Variants in PACRG observed in about 807,000 individuals in gnomAD.
PACRG encodes the protein parkin coregulated gene protein.
PACRG carries 29 observed loss-of-function variants against 29.7 expected under a neutral mutation model. The ratio of observed to expected loss-of-function variants is 0.98; its 90% CI spans 0.73 to 1.33. The LOEUF (loss-of-function observed/expected upper bound fraction) is 1.33. PACRG is among the 40% of genes most tolerant of loss of function. PACRG has a pLI of 0.00. For synonymous variants in PACRG, 116 were observed against 118.7 expected (o/e 0.98, Z 0.15); for missense variants, 279 against 316.2 (o/e 0.88, Z 0.89).
intron 1 of PACRG, among the ~76,000 whole-genome samples, chr6:162,744,336 G>A (rs1255420233): frequency 1.3e-5 from 2 of 152,120 alleles, no homozygotes; most frequent in Non-Finnish European, 2.9e-5. Context: ...GGTGGCTCAC[G>A]CCTATAATCC....
chr6:163,089,888 G>C (rs542136982), intron 4 of PACRG, among the ~76,000 whole-genome samples: 4 of 152,068 alleles, frequency 2.6e-5, no homozygotes, highest in African/African-American at 9.6e-5. Flanking sequence ...TATAAGCTTT[G>C]GAAAACACAG....
chr6:162,870,623 T>C (rs1008976619), intron 2 of PACRG, among the ~76,000 whole-genome samples: 2 of 152,198 alleles, frequency 1.3e-5, no homozygotes, highest in Non-Finnish European at 2.9e-5. Context: ...GGCATTCTTA[T>C]GCCTTTGCGT....
intron 2 of PACRG, among the ~76,000 whole-genome samples, chr6:162,843,371 T>G (rs1187602431): frequency 6.6e-6 from 1 of 151,002 alleles, no homozygotes; most frequent in African/African-American, 2.4e-5. Flanking sequence ...CTGATACCCT[T>G]TCTTCTAGTT....
At chr6:163,212,939 C>A (rs1341937439) in intron 4 of PACRG, among the ~76,000 whole-genome samples, 1 of 152,130 alleles carries the variant, frequency 6.6e-6, no homozygotes, top group East Asian at 1.9e-4. Flanking sequence ...CCACCACGCC[C>A]AGCTAATTTT....
intron 4 of PACRG, among the ~76,000 whole-genome samples, chr6:163,175,212 CTAAGAT>C (rs1263822808): frequency 1.3e-5 from 2 of 152,128 alleles, no homozygotes; most frequent in Non-Finnish European, 2.9e-5. Context: ...ATCTGCCCTC[CTAAGAT>C]AATTAGGTTT....
intron 2 of PACRG, chr6:162,997,569 C>A (rs1253972308): frequency 2.9e-6 from 1 of 349,194 alleles, no homozygotes; most frequent in Non-Finnish European, 5.6e-6. Flanking sequence ...TCATAACAGA[C>A]TTCATAAAAG....
At chr6:163,113,121 G>A (rs892902393) in intron 4 of PACRG, among the ~76,000 whole-genome samples, 1 of 152,090 alleles carries the variant, frequency 6.6e-6, no homozygotes, top group African/African-American at 2.4e-5. Flanking sequence ...AAATTTATCA[G>A]GATACAAAAG....
chr6:162,800,729 G>A (rs1317469514), intron 1 of PACRG, among the ~76,000 whole-genome samples: 1 of 152,184 alleles, frequency 6.6e-6, no homozygotes, highest in Non-Finnish European at 1.5e-5. Flanking sequence ...GTTCCTCTTA[G>A]CTCCAAAAGT....
intron 1 of PACRG, among the ~76,000 whole-genome samples, chr6:162,749,888 T>C (rs1781390062): frequency 6.6e-6 from 1 of 152,228 alleles, no homozygotes; most frequent in South Asian, 2.1e-4. Flanking sequence ...TTTCATATTA[T>C]GGGAACATTC....
chr6:163,283,720 G>C (rs1314247658), intron 4 of PACRG, among the ~76,000 whole-genome samples: 1 of 150,022 alleles, frequency 6.7e-6, no homozygotes, highest in Non-Finnish European at 1.5e-5. Flanking sequence ...AGAATGGCGT[G>C]AACCCGGGAA....
chr6:163,017,191 T>C (rs1275647587), intron 2 of PACRG, among the ~76,000 whole-genome samples: 2 of 152,118 alleles, frequency 1.3e-5, no homozygotes, highest in Admixed American at 6.6e-5. Flanking sequence ...TCACAAGTCA[T>C]GACTGAGCTA....
intron 2 of PACRG, among the ~76,000 whole-genome samples, chr6:162,826,054 T>C (rs1424143603): frequency 6.6e-6 from 1 of 152,222 alleles, no homozygotes; most frequent in Non-Finnish European, 1.5e-5. Flanking sequence ...TTCGCTTACA[T>C]GCAGATTAAA....
At chr6:162,779,381 G>A (rs749448233) in intron 1 of PACRG, among the ~76,000 whole-genome samples, 23 of 152,182 alleles carry the variant, frequency 1.5e-4, no homozygotes, top group Admixed American at 4.6e-4. Flanking sequence ...CTTATCTACA[G>A]TGCTGGGTTG....
rs187861935 is a variant in PACRG, at chr6:162,845,900, C to T, written c.291+31619C>T. On this transcript the variant is annotated intron_variant, in intron 2 of 4. Transcript: ENST00000366888. Reference sequence around the variant, plus strand: ...ACTAAATATCACCTTATGATCATTTCCCAGCATCATTAGAGAGTTGCTGTG... The same window carrying T: ...ACTAAATATCACCTTATGATCATTTTCCAGCATCATTAGAGAGTTGCTGTG... 3.6e-4 allele frequency among the ~76,000 whole-genome samples: 55 copies of T among 152,278 alleles called. 1 individual carries two copies. The highest frequency in any genetic ancestry group is 9.7e-4 in the East Asian group (5 of 5,180).
chr6:162,789,844 C>A, intron 1 of PACRG, among the ~76,000 whole-genome samples: 1 of 152,136 alleles, frequency 6.6e-6, no homozygotes. Flanking sequence ...TTCATTTAGA[C>A]CACTTTTAAA....
At chr6:162,848,872 G>T (rs1790629341) in intron 2 of PACRG, among the ~76,000 whole-genome samples, 1 of 152,204 alleles carries the variant, frequency 6.6e-6, no homozygotes, top group African/African-American at 2.4e-5. Flanking sequence ...TTGGGGAAAA[G>T]AATGCACATG....
At chr6:162,943,300 C>A (rs1170586721) in intron 2 of PACRG, among the ~76,000 whole-genome samples, 1 of 152,194 alleles carries the variant, frequency 6.6e-6, no homozygotes, top group African/African-American at 2.4e-5. Context: ...ATTGATATCC[C>A]CCATCCATAG....
At chr6:163,005,193 T>G (rs1349517615) in intron 2 of PACRG, among the ~76,000 whole-genome samples, 1 of 152,070 alleles carries the variant, frequency 6.6e-6, no homozygotes, top group Non-Finnish European at 1.5e-5. Context: ...TCTCTCTTTT[T>G]TGTGATCATT....
At chr6:162,781,386 C>T (rs1784080749) in intron 1 of PACRG, among the ~76,000 whole-genome samples, 2 of 151,862 alleles carry the variant, frequency 1.3e-5, no homozygotes, top group South Asian at 2.1e-4. Context: ...AAAGAAGTCC[C>T]TCCAGCAGAA....
Sources: allele counts gnomAD v4.1 joint callset (sites outside exome capture counted in the v4.1 genomes callset), GRCh38; gene constraint gnomAD v4.1.1; transcripts MANE v1.5; gene names NCBI Gene and HGNC (gene_info 2026-07-23, HGNC 2026-07-21).